Variants in RBBP4 observed in about 807,000 individuals in gnomAD.
The protein encoded by RBBP4 is histone-binding protein RBBP4.
A neutral mutation model predicts 57.2 loss-of-function variants in RBBP4; 3 were observed. The observed-to-expected ratio is 0.05, with a 90% confidence interval of 0.02 to 0.14. The LOEUF is 0.14. RBBP4 is among the 10% of genes least tolerant of loss of function. The pLI, the probability that RBBP4 is intolerant of heterozygous loss-of-function variation, is 1.00. For missense variants in RBBP4, 107 were observed against 520.6 expected (o/e 0.21, Z 7.73); for synonymous variants, 151 against 171.5 (o/e 0.88, Z 0.93).
chr1:32,679,846 C>CCG lies in RBBP4; in HGVS notation c.*142_*143dup. ...CCACCGATAATGCTATTAGCCCAAA[C>CCG]CGTGGGTGTTTTCTAAATATTAATA... On this transcript the variant is annotated 3_prime_UTR_variant, in exon 12 of 12. Transcript: ENST00000373493. 1 of 1,353,752 alleles carries CCG rather than the reference C, an allele frequency of 7.4e-7. No homozygotes were observed. 83.9% of individuals were successfully genotyped at this position (1,353,752 alleles called of 1,614,324 possible).
intron 3 of RBBP4, among the ~76,000 whole-genome samples, chr1:32,665,685 A>AT (rs1271833141): frequency 1.3e-5 from 2 of 151,556 alleles, no homozygotes; most frequent in African/African-American, 2.4e-5. Context: ...CTTTAAAAAA[A>AT]AAAAAAAAAA....
intron 11 of RBBP4, among the ~76,000 whole-genome samples, chr1:32,675,304 G>A (rs1649051417): frequency 6.6e-6 from 1 of 151,854 alleles, no homozygotes; most frequent in Non-Finnish European, 1.5e-5. Context: ...CCAAAGTGCT[G>A]GAATTACAGG....
chr1:32,670,516 T>C (rs1458044420), intron 8 of RBBP4, among the ~76,000 whole-genome samples: 4 of 152,220 alleles, frequency 2.6e-5, no homozygotes, highest in Non-Finnish European at 5.9e-5. Context: ...TACGGCACTA[T>C]GAAAGATTAC....
intron 3 of RBBP4, among the ~76,000 whole-genome samples, 191 bp from the exon 4 acceptor site, chr1:32,668,031 CTTA>C (rs990868046): frequency 6.6e-6 from 1 of 151,650 alleles, no homozygotes; most frequent in African/African-American, 2.4e-5. Flanking sequence ...GACTGTATTT[CTTA>C]TTAGTTATTT....
intron 3 of RBBP4, among the ~76,000 whole-genome samples, chr1:32,658,384 A>G (rs1648237838): frequency 2.6e-5 from 4 of 151,910 alleles, no homozygotes; most frequent in Admixed American, 2.6e-4. Context: ...AAGGTTGAGA[A>G]ACACTAACTT....
At chr1:32,666,752 TAAAGA>T (rs538869550) in intron 3 of RBBP4, among the ~76,000 whole-genome samples, 53 of 152,124 alleles carry the variant, frequency 3.5e-4, no homozygotes, top group Non-Finnish European at 6.8e-4. Flanking sequence ...TTCAGTATAA[TAAAGA>T]AAATAGTTAG....
chr1:32,677,930 G>A (rs958905995), intron 11 of RBBP4, among the ~76,000 whole-genome samples: 1 of 152,146 alleles, frequency 6.6e-6, no homozygotes, highest in Non-Finnish European at 1.5e-5. Context: ...AGTGGTTCCT[G>A]TATTTTAAGA....
Position 32,651,339 on chromosome 1 carries a change from C to A in RBBP4, c.16+17C>A. Reference sequence around the variant, plus strand: ...ACAAGGAAGGTGAGGGTGCCGGGGCCGACCCAGGAGGGCAGTGGGTGCCTG... The same window carrying A: ...ACAAGGAAGGTGAGGGTGCCGGGGCAGACCCAGGAGGGCAGTGGGTGCCTG... On this transcript the variant is annotated intron_variant, in intron 1 of 11. Coordinates refer to ENST00000373493, the MANE Select transcript of RBBP4 (RefSeq NM_005610.3). The A allele has an allele frequency of 1.4e-6, 2 of 1,452,732 alleles. No individual in the cohort carries two copies. The highest frequency in any genetic ancestry group is 1.8e-6 in the Non-Finnish European group (2 of 1,103,034). The allele number at this position is 1,452,732 out of a possible 1,614,324, so 90.0% of individuals were successfully genotyped here.
At chr1:32,653,013 GCTTT>G (rs1423384111) in intron 2 of RBBP4, among the ~76,000 whole-genome samples, 2 of 152,178 alleles carry the variant, frequency 1.3e-5, no homozygotes, top group East Asian at 3.9e-4. Context: ...AGGTGGAATG[GCTTT>G]CTTATAAGGG....
At chr1:32,652,166 C>A (rs1647777455) in intron 2 of RBBP4, 105 bp downstream of exon 2, 3 of 1,329,302 alleles carry the variant, frequency 2.3e-6, no homozygotes, top group South Asian at 1.5e-5. Context: ...GGCATGTGAT[C>A]AAAACCTCTT....
At chr1:32,652,141 C>A (rs1647773386) in intron 2 of RBBP4, 80 bp downstream of exon 2, 1 of 1,482,164 alleles carries the variant, frequency 6.7e-7, no homozygotes, top group Non-Finnish European at 9.2e-7. Context: ...TTCCGCTCTT[C>A]AGTCACCCGG....
At chr1:32,667,419 T>C (rs1648701168) in intron 3 of RBBP4, among the ~76,000 whole-genome samples, 1 of 152,198 alleles carries the variant, frequency 6.6e-6, no homozygotes, top group Admixed American at 6.6e-5. Flanking sequence ...CTTGACCTTA[T>C]CAATCACTTG....
In RBBP4 at chr1:32,657,378, G is replaced by A. The variant is rs11804573; in HGVS notation, c.165-49G>A. 0.014 allele frequency: 22,134 copies of A among 1,556,286 alleles called. 2,530 individuals carry two copies. In the African/African-American group the frequency reaches 0.26, roughly 18 times the overall value. On this transcript the variant is annotated intron_variant, in intron 2 of 11. Transcript: ENST00000373493. ...ATACATGTATATTGTTGACTTCGCCGTCTCCTGATGTTACTAATTTGAACA... is the reference window on the plus strand; with the variant it reads ...ATACATGTATATTGTTGACTTCGCCATCTCCTGATGTTACTAATTTGAACA...
chr1:32,681,909 G>A lies in RBBP4; in HGVS notation c.*2204G>A. The A allele has an allele frequency of 6.6e-7, 1 of 1,511,166 alleles. No homozygotes were observed. Among genetic ancestry groups the A allele is most frequent in the Non-Finnish European group, 9.2e-7 (1 of 1,086,728 alleles). The allele number at this position is 1,511,166 out of a possible 1,614,324, so 93.6% of individuals were successfully genotyped here. On this transcript the variant is annotated 3_prime_UTR_variant, in exon 12 of 12. Coordinates refer to ENST00000373493, the MANE Select transcript of RBBP4 (RefSeq NM_005610.3). Reference sequence around the variant, plus strand: ...TATAACAGTGAACTTCTGAGGTTTAGTTACTGCAGGCTTTGTTGAGAAGAG... The same window carrying A: ...TATAACAGTGAACTTCTGAGGTTTAATTACTGCAGGCTTTGTTGAGAAGAG...
In RBBP4 at chr1:32,669,429, A is replaced by C. The variant is rs552022848; in HGVS notation, c.889-57A>C. On this transcript the variant is annotated intron_variant, in intron 7 of 11. Coordinates refer to ENST00000373493, the MANE Select transcript of RBBP4 (RefSeq NM_005610.3). This position sits in a 1 kb window ranked among gnomAD's most constrained non-coding sequence, Gnocchi z 4.9. ...TTTGAATTGCAGAGATATTTTACTT[A>C]CAGTATTTTTTTTTTCTTAAAAAAT... 1.4e-5 allele frequency: 22 copies of C among 1,567,400 alleles called. No homozygotes were observed. Among genetic ancestry groups the C allele is most frequent in the Non-Finnish European group, 1.7e-5 (20 of 1,164,352 alleles).
At chr1:32,663,546 T>C (rs570261863) in intron 3 of RBBP4, among the ~76,000 whole-genome samples, 41 of 151,972 alleles carry the variant, frequency 2.7e-4, no homozygotes, top group African/African-American at 9.6e-4. Flanking sequence ...CAGCTAGGAC[T>C]TATAGGCATG....
At chr1:32,651,364 G>C in intron 1 of RBBP4, 42 bp downstream of exon 1, 1 of 1,411,598 alleles carries the variant, frequency 7.1e-7, no homozygotes, top group Non-Finnish European at 9.2e-7. Context: ...GTGGGTGCCT[G>C]GGCTGAGCCG....
intron 1 of RBBP4, 135 bp downstream of exon 1, chr1:32,651,457 TC>T: frequency 7.3e-7 from 1 of 1,364,992 alleles, no homozygotes. Context: ...AAGAGGGAAC[TC>T]CCCGCGGGGC....
At position 32,668,405 on chromosome 1, in the gene RBBP4, G is replaced by A; in HGVS notation, c.484+7G>A. 6.4e-7 allele frequency: 1 copy of A among 1,572,422 alleles called. No homozygotes were observed. Among genetic ancestry groups the A allele is most frequent in the Non-Finnish European group, 8.7e-7 (1 of 1,146,612 alleles). ...AAACATCCTTCTAAACCAGGTATGT[G>A]CCCTTTTCTATTCAAATACAAATGA... is the stretch of plus-strand genomic sequence containing the variant. On this transcript the variant is annotated splice_region_variant and intron_variant, in intron 4 of 11. Coordinates refer to ENST00000373493, the MANE Select transcript of RBBP4 (RefSeq NM_005610.3).
Sources: gnomAD v4.1 joint callset for allele counts (sites outside exome capture counted in the v4.1 genomes callset) on GRCh38, gnomAD v4.1.1 for gene constraint, Gnocchi (gnomAD v3.1) non-coding constraint, MANE v1.5 for transcripts, NCBI Gene and HGNC (gene_info 2026-07-23, HGNC 2026-07-21) for gene names.